Variants in GID4 observed in about 807,000 individuals in gnomAD.
GID4 encodes the protein GID complex subunit 4 homolog, also known as glucose-induced degradation protein 4 homolog.
Under a neutral mutation model 32.4 loss-of-function variants are expected in GID4, and 7 were observed. The ratio of observed to expected loss-of-function variants is 0.22; its 90% CI spans 0.12 to 0.41. The LOEUF (loss-of-function observed/expected upper bound fraction) is 0.41. GID4 is among the 10% of genes least tolerant of loss of function. The probability of loss-of-function intolerance (pLI) is 1.00; values close to 1 mark genes in which losing one functional copy is unlikely to be tolerated. For missense variants in GID4, 309 were observed against 400.0 expected (o/e 0.77, Z 1.94); for synonymous variants, 166 against 170.0 (o/e 0.98, Z 0.18).
intron 2 of GID4, among the ~76,000 whole-genome samples, chr17:18,049,164 C>T (rs2044884658): frequency 6.6e-6 from 1 of 150,926 alleles, no homozygotes; most frequent in Admixed American, 6.6e-5. Context: ...GGTGAAACCC[C>T]ATCTCTACTA....
chr17:18,048,209 T>G (rs929159356), intron 2 of GID4, among the ~76,000 whole-genome samples: 16 of 151,544 alleles, frequency 1.1e-4, no homozygotes, highest in Admixed American at 1.1e-3. Flanking sequence ...CCGATAACTT[T>G]TTTTTTTTGA....
chr17:18,061,203 G>C lies in GID4; in HGVS notation c.709-642G>C, dbSNP rs1402499498. 1.3e-5 allele frequency among the ~76,000 whole-genome samples: 2 copies of C among 152,194 alleles called. No individual in the cohort carries two copies. Among genetic ancestry groups the C allele is most frequent in the Non-Finnish European group, 2.9e-5 (2 of 68,038 alleles). On this transcript the variant is annotated intron_variant, in intron 4 of 5. Coordinates refer to ENST00000268719, the MANE Select transcript of GID4 (RefSeq NM_024052.5). This position sits in a 1 kb window ranked among gnomAD's most constrained non-coding sequence, Gnocchi z 4.4. The stretch of plus-strand genomic sequence containing the variant: ...GACCACCTGAGGCCCTGGAGCTTCT[G>C]ACCTCATCTCTCTGGGAAAGTAGGT...
chr17:18,052,924 A>T (rs981033246), intron 2 of GID4, among the ~76,000 whole-genome samples: 1 of 150,152 alleles, frequency 6.7e-6, no homozygotes, highest in African/African-American at 2.5e-5. Context: ...GTATCAAGGT[A>T]TTCTAAGACT....
Position 18,067,221 on chromosome 17 carries a change from G to T in GID4, c.*1978G>T, listed in dbSNP as rs1030856554. On this transcript the variant is annotated 3_prime_UTR_variant, in exon 6 of 6. Coordinates refer to ENST00000268719, the MANE Select transcript of GID4 (RefSeq NM_024052.5). ...TTCAGCTCTCCCCTCAACAGCATGC[G>T]AGCCCATACCTTCTGCATTTTTCCA... 1 of 152,350 alleles carries T rather than the reference G, an allele frequency of 6.6e-6. No individual in the cohort carries two copies. The highest frequency in any genetic ancestry group is 2.1e-4 in the South Asian group (1 of 4,828). 9.4% of individuals were successfully genotyped at this position (152,350 alleles called of 1,614,324 possible).
chr17:18,060,683 A>G (rs1362082320), intron 4 of GID4, among the ~76,000 whole-genome samples: 1 of 150,574 alleles, frequency 6.6e-6, no homozygotes, highest in Non-Finnish European at 1.5e-5. Flanking sequence ...CTCCTGAGTA[A>G]CTGGGACTAC....
Position 18,039,547 on chromosome 17 carries a change from G to T in GID4, c.83G>T (p.Arg28Leu). The T allele has an allele frequency of 7.6e-7, 1 of 1,307,908 alleles. No individual in the cohort carries two copies. Among genetic ancestry groups the T allele is most frequent in the East Asian group, 3.1e-5 (1 of 32,072 alleles). The allele number at this position is 1,307,908 out of a possible 1,614,324, so 81.0% of individuals were successfully genotyped here. ...TCGCAGGTCCCTGGGTCCCGGTGGCGGCCGGAGCGCTTGCTCCGCAGGCAG... is the reference window on the plus strand; with the variant it reads ...TCGCAGGTCCCTGGGTCCCGGTGGCTGCCGGAGCGCTTGCTCCGCAGGCAG... Reference protein sequence around the residue: ...PCSQVPGSRWRPERLLRRQRA... With the variant: ...PCSQVPGSRWLPERLLRRQRA... Residue 28 changes from arginine to leucine, a missense_variant, in exon 1 of 6, where the codon CGG becomes CTG. Coordinates refer to ENST00000268719, the MANE Select transcript of GID4 (RefSeq NM_024052.5). This position sits in a 1 kb window ranked among gnomAD's most constrained non-coding sequence, Gnocchi z 5.3.
chr17:18,045,251 T>C, intron 2 of GID4, 45 bp downstream of exon 2: 8 of 1,483,718 alleles, frequency 5.4e-6, no homozygotes, highest in South Asian at 1.1e-5. Flanking sequence ...GTCTGTGGTG[T>C]GCTCCACAGG....
At chr17:18,057,598 CT>C (rs1300343069) in intron 3 of GID4, 1 of 152,968 alleles carries the variant, frequency 6.5e-6, no homozygotes, top group African/African-American at 2.4e-5. Context: ...ATGGCAACAC[CT>C]AAAACTAAAA....
intron 5 of GID4, among the ~76,000 whole-genome samples, chr17:18,063,528 A>G (rs1279624843): frequency 6.6e-6 from 1 of 151,624 alleles, no homozygotes; most frequent in Non-Finnish European, 1.5e-5. Flanking sequence ...ATTATCCCAA[A>G]CTCCTCATCC....
intron 1 of GID4, among the ~76,000 whole-genome samples, chr17:18,042,277 A>G (rs542739794): frequency 2.6e-5 from 4 of 152,330 alleles, no homozygotes; most frequent in South Asian, 4.1e-4. Context: ...GAATATTTTC[A>G]TCACCCCAAA....
chr17:18,063,167 T>G (rs998138388), intron 5 of GID4, among the ~76,000 whole-genome samples: 1 of 151,208 alleles, frequency 6.6e-6, no homozygotes, highest in Non-Finnish European at 1.5e-5. Flanking sequence ...ATCCCAGCAC[T>G]TTGGGAGGCC....
Position 18,058,948 on chromosome 17 carries a change from C to T in GID4, c.687C>T (p.Asp229=). The change falls in exon 4 of 6, where the codon GAC becomes GAT. Residue 229 remains aspartate, a synonymous_variant. Transcript: ENST00000268719. ...ATTATGAAGAGCTGAAGAATGGAGA[C>T]TACGTCTTCATGAGGTGGAAGGTAA... ...DFDYEELKNG[D]YVFMRWKEQF... The T allele has an allele frequency of 6.2e-7, 1 of 1,609,764 alleles. No individual in the cohort carries two copies. The highest frequency in any genetic ancestry group is 8.5e-7 in the Non-Finnish European group (1 of 1,176,092).
rs763125687 is a variant in GID4 at position 18,039,737 on chromosome 17, C to T, written c.273C>T (p.Pro91=). Residue 91 remains proline, a synonymous_variant, in exon 1 of 6, where the codon CCC becomes CCT. Coordinates refer to ENST00000268719, the MANE Select transcript of GID4 (RefSeq NM_024052.5). This position sits in a 1 kb window ranked among gnomAD's most constrained non-coding sequence, Gnocchi z 5.3. ...CGATGCCGGTCCGCACCGAGTGTCC[C>T]CCGCCGGCCGGTGCCTCCGCTGCCT... The part of the protein sequence containing the change: ...DPAMPVRTEC[P]PPAGASAASA... The T allele has an allele frequency of 9.8e-6, 15 of 1,531,110 alleles. No homozygotes were observed. The highest frequency in any genetic ancestry group is 1.3e-5 in the Non-Finnish European group (15 of 1,140,822). 94.8% of individuals were successfully genotyped at this position (1,531,110 alleles called of 1,614,324 possible).
In GID4 at chr17:18,039,408, G is replaced by A; in HGVS notation, c.-57G>A. 1 of 1,243,760 alleles carries A rather than the reference G, an allele frequency of 8.0e-7. No individual in the cohort carries two copies. The highest frequency in any genetic ancestry group is 1.1e-6 in the Non-Finnish European group (1 of 928,436). 77.0% of individuals were successfully genotyped at this position (1,243,760 alleles called of 1,614,324 possible). On this transcript the variant is annotated 5_prime_UTR_variant, in exon 1 of 6. The change creates a new upstream start codon in the 5' untranslated region. Transcript: ENST00000268719. This position sits in a 1 kb window ranked among gnomAD's most constrained non-coding sequence, Gnocchi z 5.3. ...CTGAGCCAATCGGAAGGGGCGGGGT[G>A]TGTGTGTGTCTGTGTGTGTTTGTGT...
Position 18,065,490 on chromosome 17 carries a change from T to C in GID4, c.*247T>C, listed in dbSNP as rs2045053309. ...GTTTGGTCTTCACCTGTTTTTAAGC[T>C]ACCTTAAACGCACTTTTCCTTCCTG... On this transcript the variant is annotated 3_prime_UTR_variant, in exon 6 of 6. Transcript: ENST00000268719. 5 of 521,708 alleles carry C rather than the reference T, an allele frequency of 9.6e-6. No individual in the cohort carries two copies. The highest frequency in any genetic ancestry group is 1.0e-5 in the Non-Finnish European group (3 of 286,988). The allele number at this position is 521,708 out of a possible 1,614,324, so 32.3% of individuals were successfully genotyped here.
chr17:18,051,686 AAAT>A (rs2044911143), intron 2 of GID4, among the ~76,000 whole-genome samples: 1 of 151,886 alleles, frequency 6.6e-6, no homozygotes, highest in African/African-American at 2.4e-5. Context: ...AAAAAAAAAA[AAAT>A]AGCTTCTAGT....
At chr17:18,052,240 A>G (rs570180266) in intron 2 of GID4, among the ~76,000 whole-genome samples, 337 of 152,038 alleles carry the variant, frequency 2.2e-3, no homozygotes, top group African/African-American at 7.3e-3. Flanking sequence ...GCAGTATTAG[A>G]TTTATCATAT....
At chr17:18,043,781 A>G (rs1466923349) in intron 1 of GID4, among the ~76,000 whole-genome samples, 1 of 152,236 alleles carries the variant, frequency 6.6e-6, no homozygotes, top group Non-Finnish European at 1.5e-5. Flanking sequence ...ATGCCACAAA[A>G]CTATTCTAAT....
chr17:18,066,586 G>C lies in GID4; in HGVS notation c.*1343G>C, dbSNP rs930336513. 1 of 151,896 alleles carries C rather than the reference G, an allele frequency of 6.6e-6. No homozygotes were observed. The highest frequency in any genetic ancestry group is 2.4e-5 in the African/African-American group (1 of 41,320). 9.4% of individuals were successfully genotyped at this position (151,896 alleles called of 1,614,324 possible). A position where few individuals can be genotyped will look rare whatever the true frequency, so the allele number is the denominator to read the frequency against. On this transcript the variant is annotated 3_prime_UTR_variant, in exon 6 of 6. Coordinates refer to ENST00000268719, the MANE Select transcript of GID4 (RefSeq NM_024052.5). ...GCTTTGGGGATTTGGCATTTTTCTGGTGGTTTACAAGACTTACTCCGAATA... is the reference window on the plus strand; with the variant it reads ...GCTTTGGGGATTTGGCATTTTTCTGCTGGTTTACAAGACTTACTCCGAATA...
Sources: allele counts gnomAD v4.1 joint callset (sites outside exome capture counted in the v4.1 genomes callset), GRCh38; gene constraint gnomAD v4.1.1; non-coding constraint Gnocchi (gnomAD v3.1); transcripts MANE v1.5; gene names NCBI Gene and HGNC (gene_info 2026-07-23, HGNC 2026-07-21).